LPP: variants seen among roughly 807,000 people sequenced by gnomAD.
LPP encodes lipoma-preferred partner.
Under a neutral mutation model 60.4 loss-of-function variants are expected in LPP, and 38 were observed. That is an observed-to-expected ratio of 0.63 (90% CI 0.49 to 0.83). The LOEUF is 0.83. LPP is among the 40% of genes least tolerant of loss of function. LPP has a pLI of 0.00. For missense variants in LPP, 902 were observed against 783.6 expected, an observed-to-expected ratio of 1.15 and a Z score of -1.80; for synonymous variants, 328 against 290.8, an observed-to-expected ratio of 1.13 and a Z score of -1.30.
At chr3:188,755,693 C>T (rs987074542) in intron 8 of LPP, among the ~76,000 whole-genome samples, 2 of 151,388 alleles carry the variant, frequency 1.3e-5, no homozygotes, top group Non-Finnish European at 2.9e-5. Context: ...ATAGTCCCAG[C>T]TACTGGTGGC....
At chr3:188,538,851 A>T (rs1215430972) in intron 6 of LPP, among the ~76,000 whole-genome samples, 1 of 152,206 alleles carries the variant, frequency 6.6e-6, no homozygotes, top group East Asian at 1.9e-4. Context: ...TCAGCCATAA[A>T]AAGGAACGAA....
chr3:188,243,101 A>T (rs950624913), intron 2 of LPP, among the ~76,000 whole-genome samples: 1 of 152,186 alleles, frequency 6.6e-6, no homozygotes, highest in Non-Finnish European at 1.5e-5. Flanking sequence ...CAGTGATCAA[A>T]CTATAATTAA....
rs189875939 is a variant in LPP, at chr3:188,204,164, G to A, written c.-189-21241G>A. ...GAGATTTGGAGGTACAGCACAAGGC[G>A]GGGAAAGCATGAGCCAAGTTTTGAG... On this transcript the variant is annotated intron_variant, in intron 1 of 11. Transcript: ENST00000617246. 2.0e-4 allele frequency among the ~76,000 whole-genome samples: 30 copies of A among 152,278 alleles called. 1 individual carries two copies. Among genetic ancestry groups the A allele is most frequent in the African/African-American group, 6.5e-4 (27 of 41,558 alleles).
chr3:188,291,355 A>G (rs1472926068), intron 2 of LPP, among the ~76,000 whole-genome samples: 1 of 152,148 alleles, frequency 6.6e-6, no homozygotes, highest in African/African-American at 2.4e-5. Context: ...AAGAAAGGAC[A>G]TTGGCCGGGC....
At chr3:188,589,227 G>A (rs552299937) in intron 6 of LPP, among the ~76,000 whole-genome samples, 53 of 151,710 alleles carry the variant, frequency 3.5e-4, no homozygotes, top group Non-Finnish European at 6.9e-4. Context: ...TATCACTTCC[G>A]GGCATTGGCA....
At chr3:188,223,443 G>A (rs553709125) in intron 1 of LPP, among the ~76,000 whole-genome samples, 13 of 152,268 alleles carry the variant, frequency 8.5e-5, no homozygotes, top group Admixed American at 3.3e-4. Flanking sequence ...TTTAAATTGC[G>A]TTTGAACTCT....
intron 8 of LPP, among the ~76,000 whole-genome samples, chr3:188,744,011 G>T (rs1163291308): frequency 6.6e-6 from 1 of 152,102 alleles, no homozygotes; most frequent in African/African-American, 2.4e-5. Flanking sequence ...TGTCAGACTT[G>T]CTTTATCACA....
chr3:188,381,863 T>A (rs1776990098), intron 3 of LPP, among the ~76,000 whole-genome samples: 1 of 152,138 alleles, frequency 6.6e-6, no homozygotes, highest in African/African-American at 2.4e-5. Context: ...CTTGCTCTAT[T>A]GCCCATGTTC....
At chr3:188,647,938 A>G (rs1015956878) in intron 7 of LPP, among the ~76,000 whole-genome samples, 1 of 152,234 alleles carries the variant, frequency 6.6e-6, no homozygotes. Flanking sequence ...GTCTTCAGTT[A>G]CATCGTTTGG....
intron 3 of LPP, among the ~76,000 whole-genome samples, chr3:188,379,501 A>G (rs1358893581): frequency 6.6e-6 from 1 of 152,200 alleles, no homozygotes; most frequent in African/African-American, 2.4e-5. Flanking sequence ...TATGTCCCTC[A>G]CCAAAAAACA....
At chr3:188,154,041 C>G (rs1215421951), upstream of LPP, 1 of 157,168 alleles carries the variant, frequency 6.4e-6, no homozygotes, top group East Asian at 1.9e-4. Context: ...GGCTGCACGG[C>G]CCGGGGCGCG....
At chr3:188,632,277 A>G (rs1847971244) in intron 7 of LPP, among the ~76,000 whole-genome samples, 1 of 152,206 alleles carries the variant, frequency 6.6e-6, no homozygotes, top group South Asian at 2.1e-4. Context: ...AGTGGTTACA[A>G]ATAAAATCTA....
intron 5 of LPP, among the ~76,000 whole-genome samples, chr3:188,496,460 A>T (rs76518257): frequency 0.047 from 7,150 of 152,146 alleles, 222 homozygotes; most frequent in Middle Eastern, 0.15. Context: ...ACTTTCATAT[A>T]CTTTATCTCA....
intron 1 of LPP, among the ~76,000 whole-genome samples, chr3:188,190,182 G>A (rs544395957): frequency 6.6e-6 from 1 of 151,498 alleles, no homozygotes; most frequent in South Asian, 2.1e-4. Flanking sequence ...TCAGCATCCC[G>A]AGTAGCTGGG....
At chr3:188,577,730 T>A (rs922123959) in intron 6 of LPP, among the ~76,000 whole-genome samples, 1 of 136,194 alleles carries the variant, frequency 7.3e-6, no homozygotes, top group South Asian at 2.4e-4. Flanking sequence ...TCTCTTTGGT[T>A]TCCTTCCTTC....
At chr3:188,398,891 G>C (rs998988852) in intron 3 of LPP, among the ~76,000 whole-genome samples, 1 of 152,244 alleles carries the variant, frequency 6.6e-6, no homozygotes, top group Non-Finnish European at 1.5e-5. Context: ...GGATAGAAGA[G>C]TCAGGGAAAC....
chr3:188,711,433 C>G (rs1465005293), intron 8 of LPP: 2 of 152,120 alleles, frequency 1.3e-5, no homozygotes, highest in African/African-American at 4.8e-5. Flanking sequence ...AATTAGAATG[C>G]AGATCTGTAC....
At chr3:188,249,211 A>C (rs909505784) in intron 2 of LPP, among the ~76,000 whole-genome samples, 1 of 152,162 alleles carries the variant, frequency 6.6e-6, no homozygotes, top group Non-Finnish European at 1.5e-5. Context: ...GGAGTGGTCA[A>C]CACAGCCGAG....
chr3:188,609,182 T>C lies in LPP; in HGVS notation c.451T>C (p.Ser151Pro), dbSNP rs35746269. 3.1e-4 allele frequency: 495 copies of C among 1,611,502 alleles called. 1 individual carries two copies. In the African/African-American group the frequency reaches 6.0e-3, roughly 20 times the overall value. Residue 151 changes from serine (S) to proline (P), a missense_variant, in exon 7 of 12, where the codon TCT (serine) becomes CCT (proline). Physicochemically the swap from Ser to Pro is moderately conservative, Grantham distance 74. Transcript: ENST00000617246. The surrounding 1 kb of genome is among the most constrained non-coding windows in gnomAD (Gnocchi z 6.9). Reference sequence around the variant, plus strand: ...TTAGAGCTCCACTGGTTCAACAGCCTCTCCTCCAGTTTCGACCCCAGTCAC... The same window carrying C: ...TTAGAGCTCCACTGGTTCAACAGCCCCTCCTCCAGTTTCGACCCCAGTCAC... Reference protein sequence around the residue: ...PPQSSTGSTASPPVSTPVTGH... With the variant: ...PPQSSTGSTAPPPVSTPVTGH...
Sources: gnomAD v4.1 joint callset for allele counts (sites outside exome capture counted in the v4.1 genomes callset) on GRCh38, gnomAD v4.1.1 for gene constraint, Gnocchi (gnomAD v3.1) non-coding constraint, MANE v1.5 for transcripts, NCBI Gene and HGNC (gene_info 2026-07-23, HGNC 2026-07-21) for gene names.